REV1: variants seen among roughly 807,000 people sequenced by gnomAD.
The protein encoded by REV1 is translesion synthesis protein REV1.
In REV1, 42 loss-of-function variants were observed where a neutral mutation model predicts 137.4. The observed-to-expected ratio is 0.31, with a 90% confidence interval of 0.24 to 0.40. The LOEUF is 0.40. Among genes scored for constraint, REV1 ranks in the 10% least tolerant of loss-of-function variants. The pLI is 1.00. For synonymous variants in REV1, 524 were observed against 519.2 expected (o/e 1.01, Z -0.12); for missense variants, 1,282 against 1,490.1 (o/e 0.86, Z 2.30).
chr2:99,406,815 TA>T (rs1019680864), intron 15 of REV1: 48 of 170,212 alleles, frequency 2.8e-4, no homozygotes, highest in Middle Eastern at 2.3e-3. Context: ...TAAATTAGGA[TA>T]AAAAAAAATT....
At chr2:99,485,874 GGGAGGATGAGGCA>G (rs59123260) in intron 1 of REV1, among the ~76,000 whole-genome samples, 65,322 of 151,876 alleles carry the variant, frequency 0.43, 14,272 homozygotes, top group Admixed American at 0.58. Flanking sequence ...CCACCATTTT[GGGAGGATGAGGCA>G]GGAGGATGAG....
At chr2:99,472,926 T>A (rs752701151) in intron 1 of REV1, among the ~76,000 whole-genome samples, 4 of 152,220 alleles carry the variant, frequency 2.6e-5, no homozygotes, top group Admixed American at 6.5e-5. Flanking sequence ...GTTTGTGGGT[T>A]TTGTTTTGAT....
intron 1 of REV1, among the ~76,000 whole-genome samples, chr2:99,481,708 C>CAA (rs199566286): frequency 2.9e-4 from 44 of 151,886 alleles, no homozygotes; most frequent in African/African-American, 7.2e-4. Flanking sequence ...CACACACACA[C>CAA]AAAAATTTAA....
intron 4 of REV1, 51 bp downstream of exon 4, chr2:99,449,285 A>C (rs571778448): frequency 3.4e-5 from 38 of 1,128,224 alleles, no homozygotes; most frequent in Admixed American, 2.1e-4. Context: ...ATAAATAAAA[A>C]GTATTCTAAC....
At chr2:99,479,336 A>C (rs1372716467) in intron 1 of REV1, among the ~76,000 whole-genome samples, 3 of 151,348 alleles carry the variant, frequency 2.0e-5, no homozygotes, top group East Asian at 1.9e-4. Context: ...CAAAAAAAAA[A>C]AAAAAAAACA....
At chr2:99,466,871 T>C (rs1264369295) in intron 1 of REV1, among the ~76,000 whole-genome samples, 2 of 152,172 alleles carry the variant, frequency 1.3e-5, no homozygotes, top group African/African-American at 2.4e-5. Context: ...CTCTGTTAAA[T>C]ATTTCTCCTG....
chr2:99,429,576 C>T (rs12479064), intron 9 of REV1, among the ~76,000 whole-genome samples: 33,243 of 151,590 alleles, frequency 0.22, 3,769 homozygotes, highest in Admixed American at 0.31. Flanking sequence ...CTTCAAAAGA[C>T]AGTAAAAACG....
At chr2:99,404,336 GATGT>G in intron 18 of REV1, 104 bp downstream of exon 18, 1 of 847,816 alleles carries the variant, frequency 1.2e-6, no homozygotes, top group East Asian at 2.6e-5. Flanking sequence ...CTCCCCAGTG[GATGT>G]GGTGTCAGAT....
At chr2:99,432,297 C>T (rs745958552) in intron 8 of REV1, among the ~76,000 whole-genome samples, 6 of 152,034 alleles carry the variant, frequency 3.9e-5, no homozygotes, top group Non-Finnish European at 8.8e-5. Context: ...AATACTTTGT[C>T]TAGACATATA....
chr2:99,434,159 G>A (rs1436691561), intron 8 of REV1, among the ~76,000 whole-genome samples, 173 bp downstream of exon 8: 1 of 152,056 alleles, frequency 6.6e-6, no homozygotes, highest in African/African-American at 2.4e-5. Context: ...TCTACTTCAG[G>A]AAAATATCAC....
At chr2:99,481,399 T>C (rs571502635) in intron 1 of REV1, among the ~76,000 whole-genome samples, 4 of 152,064 alleles carry the variant, frequency 2.6e-5, no homozygotes, top group Non-Finnish European at 4.4e-5. Context: ...ATAAAAAAAA[T>C]GTTATGTAGT....
At chr2:99,412,243 G>C (rs920267070) in intron 13 of REV1, among the ~76,000 whole-genome samples, 4 of 100,258 alleles carry the variant, frequency 4.0e-5, no homozygotes, top group Non-Finnish European at 5.4e-5. Context: ...GGGCAACAAA[G>C]TGAGACTCCA....
chr2:99,443,442 A>G (rs1681766607), intron 4 of REV1, among the ~76,000 whole-genome samples: 1 of 152,360 alleles, frequency 6.6e-6, no homozygotes, highest in South Asian at 2.1e-4. Flanking sequence ...TTTAAAAAAT[A>G]ATCATTTAAG....
At chr2:99,425,420 T>A (rs1458572834) in intron 9 of REV1, among the ~76,000 whole-genome samples, 1 of 152,120 alleles carries the variant, frequency 6.6e-6, no homozygotes, top group Non-Finnish European at 1.5e-5. Context: ...AGAAAACAAT[T>A]CTTGATGTGT....
chr2:99,408,267 T>G lies in REV1; in HGVS notation c.2346-136A>C, dbSNP rs539890889. On this transcript the variant is annotated intron_variant, in intron 14 of 22. Transcript: ENST00000258428. ...AAGAAGATTATAAAAGTGAATGCCA[T>G]AGTCTCCCTTCAAGGAAGCCAGAAA... is the stretch of plus-strand genomic sequence containing the variant. 2.0e-5 allele frequency: 9 copies of G among 441,090 alleles called. No individual in the cohort carries two copies. The East Asian group carries it at 3.1e-4, about 15-fold the overall frequency. 27.3% of individuals were successfully genotyped at this position (441,090 alleles called of 1,614,324 possible). A position where few individuals can be genotyped will look rare whatever the true frequency, so the allele number is the denominator to read the frequency against.
intron 12 of REV1, among the ~76,000 whole-genome samples, chr2:99,415,068 G>GGTGGGGGAGGGAGGCAGGGCAT (rs1677665552): frequency 6.6e-6 from 1 of 152,202 alleles, no homozygotes; most frequent in Non-Finnish European, 1.5e-5. Flanking sequence ...CTGAACCGGA[G>GGTGGGGGAGGGAGGCAGGGCAT]GTGGGGGAGG....
intron 21 of REV1, 129 bp from the exon 22 acceptor site, chr2:99,402,475 G>C: frequency 2.4e-6 from 2 of 833,000 alleles, no homozygotes; most frequent in African/African-American, 3.5e-5. Context: ...AATGGGCTTT[G>C]TTACTTTTCA....
At chr2:99,471,048 T>C (rs1405865426) in intron 1 of REV1, among the ~76,000 whole-genome samples, 1 of 152,252 alleles carries the variant, frequency 6.6e-6, no homozygotes, top group East Asian at 1.9e-4. Context: ...TGAATGAATG[T>C]GCACATTATA....
chr2:99,424,250 A>G lies in REV1; in HGVS notation c.1578T>C (p.Phe526=), dbSNP rs763876604. 26 of 1,613,740 alleles carry G rather than the reference A, an allele frequency of 1.6e-5. 1 individual carries two copies. The highest frequency in any genetic ancestry group is 3.3e-5 in the Admixed American group (2 of 59,956). ...RQLGIKNGMF[F]GHAKQLCPNL... The stretch of plus-strand genomic sequence containing the variant: ...TAGGACATAGTTGTTTAGCATGCCC[A>G]AAAAACATTCCGTTCTTAATGCCAA... The change falls in exon 10 of 23, where the codon TTT becomes TTC. Residue 526 remains phenylalanine, a synonymous_variant. Transcript: ENST00000258428.
Sources: gnomAD v4.1 joint callset for allele counts (sites outside exome capture counted in the v4.1 genomes callset) on GRCh38, gnomAD v4.1.1 for gene constraint, MANE v1.5 for transcripts, NCBI Gene and HGNC (gene_info 2026-07-23, HGNC 2026-07-21) for gene names.